TMEM114: variants seen among roughly 807,000 people sequenced by gnomAD.
The protein encoded by TMEM114 is transmembrane protein 114.
A neutral mutation model predicts 6.2 loss-of-function variants in TMEM114; 6 were observed. The observed-to-expected ratio is 0.97, with a 90% CI of 0.53 to 1.91. TMEM114 has a LOEUF of 1.91. Among genes scored for constraint, TMEM114 ranks in the 40% most tolerant of loss-of-function variants. The probability of loss-of-function intolerance (pLI) is 0.01; values close to 1 mark genes in which losing one functional copy is unlikely to be tolerated. For missense variants in TMEM114, 218 were observed against 158.3 expected, an observed-to-expected ratio of 1.38 and a Z score of -2.02; for synonymous variants, 104 against 73.0, an observed-to-expected ratio of 1.42 and a Z score of -2.16.
At chr16:8,548,448 A>C (rs550700187) in intron 2 of TMEM114, among the ~76,000 whole-genome samples, 2 of 152,000 alleles carry the variant, frequency 1.3e-5, no homozygotes. Context: ...TTTTATTATT[A>C]TTACCTCCCT....
intron 2 of TMEM114, among the ~76,000 whole-genome samples, chr16:8,548,051 A>G (rs77136913): frequency 0.076 from 11,611 of 152,212 alleles, 539 homozygotes; most frequent in Middle Eastern, 0.18. Context: ...TCATGAGGAA[A>G]GGGAAAGTGC....
chr16:8,576,704 CAGGAAGGAAGGAAGGAAGGAAGGAAGGA>C (rs71396282), intron 2 of TMEM114, among the ~76,000 whole-genome samples: 65 of 129,430 alleles, frequency 5.0e-4, no homozygotes, highest in Middle Eastern at 3.8e-3. Context: ...TGAATGAGAG[CAGGAAGGAAGGAAGGAAGGAAGGAAGGA>C]AGGAAGGAAG....
At chr16:8,572,623 A>G (rs555816793) in intron 2 of TMEM114, among the ~76,000 whole-genome samples, 1 of 152,104 alleles carries the variant, frequency 6.6e-6, no homozygotes, top group South Asian at 2.1e-4. Context: ...TTTGGTAAAG[A>G]TGAAGTCTTG....
At chr16:8,568,117 T>C (rs374635546), downstream of TMEM114, among the ~76,000 whole-genome samples, 1 of 152,182 alleles carries the variant, frequency 6.6e-6, no homozygotes, top group African/African-American at 2.4e-5. Flanking sequence ...CTTATGCCCT[T>C]AGTCCAGTTA....
chr16:8,575,101 G>A (rs1476958381), intron 2 of TMEM114, among the ~76,000 whole-genome samples: 2 of 152,174 alleles, frequency 1.3e-5, no homozygotes, highest in Non-Finnish European at 2.9e-5. Flanking sequence ...TGGGGGCTGG[G>A]TTACTTGGGA....
chr16:8,577,144 T>C (rs1318975417), intron 2 of TMEM114, among the ~76,000 whole-genome samples: 1 of 152,266 alleles, frequency 6.6e-6, no homozygotes, highest in African/African-American at 2.4e-5. Flanking sequence ...CTGGACCATA[T>C]TCATCTTGAC....
chr16:8,538,540 C>G (rs1419198976), intron 2 of TMEM114, among the ~76,000 whole-genome samples: 1 of 151,778 alleles, frequency 6.6e-6, no homozygotes, highest in Non-Finnish European at 1.5e-5. Flanking sequence ...CAGAGTCTTG[C>G]TCTGTCGCCC....
intron 3 of TMEM114, 128 bp from the exon 4 acceptor site, chr16:8,570,133 T>A (rs983778549): frequency 7.8e-7 from 1 of 1,282,010 alleles, no homozygotes; most frequent in Non-Finnish European, 1.1e-6. Context: ...CTGCGGGACC[T>A]TTGCGCGTGC....
intron 2 of TMEM114, among the ~76,000 whole-genome samples, chr16:8,543,577 C>G (rs567307784): frequency 6.6e-6 from 1 of 152,124 alleles, no homozygotes; most frequent in African/African-American, 2.4e-5. Context: ...GCCAACCCAA[C>G]TCATTCTTTA....
intron 2 of TMEM114, among the ~76,000 whole-genome samples, chr16:8,554,479 C>CAT (rs1567198702): frequency 6.6e-5 from 10 of 151,676 alleles, no homozygotes; most frequent in African/African-American, 2.4e-4. Flanking sequence ...CCTCTCATAG[C>CAT]CCCTTCATAG....
At chr16:8,565,876 C>T (rs1013281324), downstream of TMEM114, among the ~76,000 whole-genome samples, 7 of 152,122 alleles carry the variant, frequency 4.6e-5, no homozygotes, top group African/African-American at 7.2e-5. Flanking sequence ...TTAAATAGGA[C>T]CCCCACGTGA....
chr16:8,586,182 G>A (rs192449705), intron 2 of TMEM114, among the ~76,000 whole-genome samples: 2 of 152,292 alleles, frequency 1.3e-5, no homozygotes, highest in Admixed American at 1.3e-4. Context: ...CTGGAAGGAG[G>A]GGCAAAGGGA....
chr16:8,559,089 C>G (rs368337209), intron 2 of TMEM114, among the ~76,000 whole-genome samples: 7 of 152,032 alleles, frequency 4.6e-5, no homozygotes, highest in Admixed American at 1.3e-4. Context: ...GTCACCCAGG[C>G]TGGAGTGCAG....
At chr16:8,553,133 A>C (rs1315691320) in intron 2 of TMEM114, among the ~76,000 whole-genome samples, 1 of 152,212 alleles carries the variant, frequency 6.6e-6, no homozygotes, top group Non-Finnish European at 1.5e-5. Flanking sequence ...ACAGGAGAGC[A>C]CAAGAGTGCC....
At chr16:8,561,793 A>G (rs1044018289) in intron 2 of TMEM114, among the ~76,000 whole-genome samples, 2 of 145,150 alleles carry the variant, frequency 1.4e-5, no homozygotes, top group Non-Finnish European at 3.0e-5. Flanking sequence ...GAATCAGTGA[A>G]TAGTGAATGA....
chr16:8,546,125 G>C (rs1041500461), intron 2 of TMEM114, among the ~76,000 whole-genome samples: 16 of 152,068 alleles, frequency 1.1e-4, no homozygotes, highest in African/African-American at 3.1e-4. Flanking sequence ...AAACAAAAAA[G>C]AAATGTTCAA....
downstream of TMEM114, among the ~76,000 whole-genome samples, chr16:8,567,891 G>GT (rs1294328491): frequency 6.6e-6 from 1 of 152,162 alleles, no homozygotes; most frequent in African/African-American, 2.4e-5. Context: ...CCCCAGCATT[G>GT]TAACTGATTT....
intron 2 of TMEM114, among the ~76,000 whole-genome samples, chr16:8,552,017 A>T (rs994019838): frequency 6.6e-6 from 1 of 152,188 alleles, no homozygotes; most frequent in South Asian, 2.1e-4. Context: ...TTTATATAAC[A>T]TTCTCAAAAT....
At chr16:8,538,496 T>G (rs1470224336) in intron 2 of TMEM114, among the ~76,000 whole-genome samples, 1 of 146,118 alleles carries the variant, frequency 6.8e-6, no homozygotes, top group Non-Finnish European at 1.5e-5. Flanking sequence ...GTGGTTTTTT[T>G]GTTTGTTTGT....
Sources: allele counts gnomAD v4.1 joint callset (sites outside exome capture counted in the v4.1 genomes callset), GRCh38; gene constraint gnomAD v4.1.1; transcripts MANE v1.5; gene names NCBI Gene and HGNC (gene_info 2026-07-23, HGNC 2026-07-21).